The following SLC7A4 variants were observed in gnomAD, a reference collection of about 807,000 sequenced individuals.
SLC7A4 encodes the protein cationic amino acid transporter 4.
A neutral mutation model predicts 37.8 loss-of-function variants in SLC7A4; 30 were observed. The ratio of observed to expected loss-of-function variants is 0.79; its 90% CI spans 0.59 to 1.08. The LOEUF (loss-of-function observed/expected upper bound fraction) is 1.08, where lower values mean the gene tolerates loss of function less well. Among genes scored for constraint, SLC7A4 ranks in the 50% least tolerant of loss-of-function variants. The pLI, the probability that SLC7A4 is intolerant of heterozygous loss-of-function variation, is 0.00. For synonymous variants in SLC7A4, 359 were observed against 376.5 expected, an observed-to-expected ratio of 0.95 and a Z score of 0.54; for missense variants, 839 against 843.2, an observed-to-expected ratio of 1.00 and a Z score of 0.06.
chr22:21,032,326 C>G (rs1408611266), intron 1 of SLC7A4, among the ~76,000 whole-genome samples: 1 of 152,186 alleles, frequency 6.6e-6, no homozygotes, highest in East Asian at 1.9e-4. Context: ...CACCCCCGCC[C>G]CTGCACCCGT....
At chr22:21,031,924 A>C (rs1928901005) in intron 1 of SLC7A4, 72 bp from the exon 2 acceptor site, 12 of 1,107,572 alleles carry the variant, frequency 1.1e-5, no homozygotes, top group Non-Finnish European at 1.3e-5. Flanking sequence ...TCCTGGTCTG[A>C]CCACCCCCAG....
Position 21,030,210 on chromosome 22 carries a change from C to A in SLC7A4, c.1124G>T (p.Gly375Val), listed in dbSNP as rs760683194. Reference sequence around the variant, plus strand: ...CAGTGCCAGGAAGGCCGTGAGGAGCCCGAACGCCAGGGTGCCCGCCACAGG... The same window carrying A: ...CAGTGCCAGGAAGGCCGTGAGGAGCACGAACGCCAGGGTGCCCGCCACAGG... ...QVPVAGTLAF[G>V]LLTAFLALLL... The change falls in exon 3 of 5, where the codon GGG becomes GTG. Residue 375 changes from glycine (G) to valine (V), a missense_variant. Coordinates refer to ENST00000382932, the MANE Select transcript of SLC7A4 (RefSeq NM_004173.3). The A allele has an allele frequency of 1.4e-5, 23 of 1,613,656 alleles. No homozygotes were observed. Among genetic ancestry groups the A allele is most frequent in the Non-Finnish European group, 1.9e-5 (22 of 1,180,004 alleles).
Position 21,030,946 on chromosome 22 carries a change from C to T in SLC7A4, c.867G>A (p.Val289=). 6.2e-7 allele frequency: 1 copy of T among 1,613,956 alleles called. No individual in the cohort carries two copies. Among genetic ancestry groups the T allele is most frequent in the South Asian group, 1.1e-5 (1 of 91,046 alleles). ...TGTGCCAGGGCACCATGAGGGTTAGCACGGTGGAGACAAGGATGTAGGCAC... is the reference window on the plus strand; with the variant it reads ...TGTGCCAGGGCACCATGAGGGTTAGTACGGTGGAGACAAGGATGTAGGCAC... ...AAGAYILVST[V]LTLMVPWHSL... is the part of the protein sequence containing the mutation. The change falls in exon 2 of 5, where the codon GTG becomes GTA. Residue 289 remains valine, a synonymous_variant. Coordinates refer to ENST00000382932, the MANE Select transcript of SLC7A4 (RefSeq NM_004173.3).
In SLC7A4 at chr22:21,031,630, G is replaced by A. The variant is rs199640356; in HGVS notation, c.183C>T (p.Ala61=). ...CAGGGCCAGCCACCTCCTTGGCCAC[G>A]GCACCTGTGAGCACGTAGAGACCCG... ...VGSGLYVLTG[A]VAKEVAGPAV... The change falls in exon 2 of 5, where the codon GCC becomes GCT. Residue 61 remains alanine, a synonymous_variant. Coordinates refer to ENST00000382932, the MANE Select transcript of SLC7A4 (RefSeq NM_004173.3). 49 of 1,609,678 alleles carry A rather than the reference G, an allele frequency of 3.0e-5. No individual in the cohort carries two copies. The Admixed American group carries it at 3.7e-4, about 12-fold the overall frequency.
At chr22:21,032,233 CG>C (rs1438916156) in intron 1 of SLC7A4, among the ~76,000 whole-genome samples, 1 of 152,162 alleles carries the variant, frequency 6.6e-6, no homozygotes, top group Admixed American at 6.5e-5. Context: ...GAGCCGGACC[CG>C]GAACAGGAGC....
intron 2 of SLC7A4, 30 bp from the exon 3 acceptor site, chr22:21,030,381 A>G (rs1601791610): frequency 1.3e-6 from 2 of 1,567,090 alleles, no homozygotes; most frequent in East Asian, 2.3e-5. Context: ...GAGGGTCAGC[A>G]TGGCGGAGAA....
At chr22:21,030,725 T>C (rs999162827) in intron 2 of SLC7A4, 106 bp downstream of exon 2, 3 of 1,322,320 alleles carry the variant, frequency 2.3e-6, no homozygotes, top group East Asian at 2.4e-5. Flanking sequence ...TGCCCCATTA[T>C]GCAACTAGTA....
rs1569186096 is a variant in SLC7A4 at position 21,030,300 on chromosome 22, T to C, written c.1034A>G (p.Tyr345Cys). ...GAAGAGCCCATCGGCGGCCATGGCA[T>C]AGACAATGCGTGGCAGGGAGAAGAG... is the stretch of plus-strand genomic sequence containing the variant. ...SLLFSLPRIVYAMAADGLFFQ... is the reference protein window; with the variant it reads ...SLLFSLPRIVCAMAADGLFFQ... Residue 345 changes from tyrosine (Y) to cysteine (C), a missense_variant, in exon 3 of 5, where the codon TAT (tyrosine) becomes TGT (cysteine). Physicochemically the swap from Tyr to Cys is radical, Grantham distance 194 (BLOSUM62 -2). Coordinates refer to ENST00000382932, the MANE Select transcript of SLC7A4 (RefSeq NM_004173.3). 6.2e-7 allele frequency: 1 copy of C among 1,612,940 alleles called. No homozygotes were observed. Among genetic ancestry groups the C allele is most frequent in the Admixed American group, 1.7e-5 (1 of 59,996 alleles).
At position 21,031,168 on chromosome 22, in the gene SLC7A4, G is replaced by C. The variant is rs749819901; in HGVS notation, c.645C>G (p.Ile215Met). ...VILFIVILGF[I>M]LAQPHNWSAD... ...CGCTCCAGTTGTGAGGCTGGGCCAG[G>C]ATGAAGCCCAGGATGACAATGAAGA... The change falls in exon 2 of 5, where the codon ATC becomes ATG. Residue 215 changes from isoleucine (I) to methionine (M), a missense_variant. Coordinates refer to ENST00000382932, the MANE Select transcript of SLC7A4 (RefSeq NM_004173.3). 1 of 1,613,908 alleles carries C rather than the reference G, an allele frequency of 6.2e-7. No individual in the cohort carries two copies.
intron 2 of SLC7A4, 122 bp from the exon 3 acceptor site, chr22:21,030,473 G>GTC: frequency 9.9e-7 from 1 of 1,015,206 alleles, no homozygotes; most frequent in Non-Finnish European, 1.4e-6. Flanking sequence ...GGCTCTCAGA[G>GTC]TAAGCATGAG....
At chr22:21,030,748 T>C (rs1601791789) in intron 2 of SLC7A4, 83 bp downstream of exon 2, 2 of 1,444,524 alleles carry the variant, frequency 1.4e-6, no homozygotes, top group East Asian at 2.3e-5. Context: ...ACAGCCCCAG[T>C]TGAAGGTGCA....
chr22:21,030,322 A>G lies in SLC7A4; in HGVS notation c.1012T>C (p.Phe338Leu). 6.2e-7 allele frequency: 1 copy of G among 1,610,904 alleles called. No individual in the cohort carries two copies. ...AMNTVLLSLL[F>L]SLPRIVYAMA... is the part of the protein sequence containing the mutation. Reference sequence around the variant, plus strand: ...GCATAGACAATGCGTGGCAGGGAGAAGAGGAGGCTGAGCAGGACGGTGTTC... The same window carrying G: ...GCATAGACAATGCGTGGCAGGGAGAGGAGGAGGCTGAGCAGGACGGTGTTC... The change falls in exon 3 of 5, where the codon TTC becomes CTC. Residue 338 changes from phenylalanine (F) to leucine (L), a missense_variant. Phe to Leu is a conservative substitution (Grantham distance 22). Transcript: ENST00000382932.
At position 21,029,242 on chromosome 22, in the gene SLC7A4, A is replaced by G. The variant is rs1928791164; in HGVS notation, c.1733-12T>C. 4 of 1,613,588 alleles carry G rather than the reference A, an allele frequency of 2.5e-6. No individual in the cohort carries two copies. Among genetic ancestry groups the G allele is most frequent in the South Asian group, 1.1e-5 (1 of 91,074 alleles). ...ATACACTGCAAGTCCTAGACAGGGC[A>G]GGAGGCAGGGCATGAGCCTGAGGTA... On this transcript the variant is annotated splice_polypyrimidine_tract_variant and intron_variant, in intron 4 of 4. Coordinates refer to ENST00000382932, the MANE Select transcript of SLC7A4 (RefSeq NM_004173.3).
At position 21,030,418 on chromosome 22, in the gene SLC7A4, C is replaced by T. The variant is rs188232565; in HGVS notation, c.983-67G>A. On this transcript the variant is annotated intron_variant, in intron 2 of 4. Coordinates refer to ENST00000382932, the MANE Select transcript of SLC7A4 (RefSeq NM_004173.3). Reference sequence around the variant, plus strand: ...CCCACCAGGGGCCTCTGCTGGGGGTCGGTGCATGGGTGGCTCCTTGGGAAC... The same window carrying T: ...CCCACCAGGGGCCTCTGCTGGGGGTTGGTGCATGGGTGGCTCCTTGGGAAC... 95 of 1,510,438 alleles carry T rather than the reference C, an allele frequency of 6.3e-5. No individual in the cohort carries two copies. In the East Asian group the frequency reaches 1.7e-3, roughly 26 times the overall value. The allele number at this position is 1,510,438 out of a possible 1,614,324, so 93.6% of individuals were successfully genotyped here. A position where few individuals can be genotyped will look rare whatever the true frequency, so the allele number is the denominator to read the frequency against.
intron 2 of SLC7A4, 48 bp downstream of exon 2, chr22:21,030,783 T>C (rs527450772): frequency 2.6e-6 from 4 of 1,510,722 alleles, no homozygotes; most frequent in East Asian, 2.3e-5. Context: ...GAGGACAAGG[T>C]CCCCCTTGCT....
rs1372547593 is a variant in SLC7A4 at position 21,032,554 on chromosome 22, T to C, written c.-64A>G. On this transcript the variant is annotated 5_prime_UTR_variant, in exon 1 of 5. Coordinates refer to ENST00000382932, the MANE Select transcript of SLC7A4 (RefSeq NM_004173.3). ...ACCTGCTGCTGCCGCAGCCGCTGCC[T>C]CCGCTCTGAGCACTGAGCCCGCCCA... 2.0e-5 allele frequency: 3 copies of C among 153,622 alleles called. No homozygotes were observed. The highest frequency in any genetic ancestry group is 4.3e-5 in the Non-Finnish European group (3 of 69,288). 9.5% of individuals were successfully genotyped at this position (153,622 alleles called of 1,614,324 possible).
intron 3 of SLC7A4, 59 bp from the exon 4 acceptor site, chr22:21,029,503 A>G: frequency 1.5e-6 from 2 of 1,371,994 alleles, no homozygotes; most frequent in South Asian, 2.3e-5. Flanking sequence ...CTGCCAGCCC[A>G]GGGCTCACTT....
chr22:21,030,403 G>T, intron 2 of SLC7A4, 52 bp from the exon 3 acceptor site: 1 of 1,544,360 alleles, frequency 6.5e-7, no homozygotes, highest in Non-Finnish European at 8.7e-7. Context: ...CCCACCAGGG[G>T]CCTCTGCTGG....
At position 21,030,078 on chromosome 22, in the gene SLC7A4, G is replaced by A. The variant is rs145133660; in HGVS notation, c.1256C>T (p.Pro419Leu). ...IIVLRFQKSS[P>L]PSSPGPASPG... Reference sequence around the variant, plus strand: ...GCTGGCTGGGCCTGGGGAGCTGGGCGGGGAAGACTTCTGGAAGCGCAGCAC... The same window carrying A: ...GCTGGCTGGGCCTGGGGAGCTGGGCAGGGAAGACTTCTGGAAGCGCAGCAC... Residue 419 changes from proline (P) to leucine (L), a missense_variant, in exon 3 of 5, where the codon CCG becomes CTG. Transcript: ENST00000382932. 5.1e-5 allele frequency: 83 copies of A among 1,611,938 alleles called. No individual in the cohort carries two copies. Among genetic ancestry groups the A allele is most frequent in the Non-Finnish European group, 6.4e-5 (76 of 1,179,220 alleles).
Sources: allele counts gnomAD v4.1 joint callset (sites outside exome capture counted in the v4.1 genomes callset), GRCh38; gene constraint gnomAD v4.1.1; transcripts MANE v1.5; gene names NCBI Gene and HGNC (gene_info 2026-07-23, HGNC 2026-07-21).